The following PAK2 variants were observed in gnomAD, a reference collection of about 807,000 sequenced individuals.
PAK2 encodes the protein serine/threonine-protein kinase PAK 2.
PAK2 carries 21 observed loss-of-function variants against 65.9 expected under a neutral mutation model. The ratio of observed to expected loss-of-function variants is 0.32; its 90% CI spans 0.23 to 0.46. The LOEUF is 0.46. Ranked by LOEUF, PAK2 falls within the 20% of genes least tolerant of loss-of-function variation. The pLI, the probability that PAK2 is intolerant of heterozygous loss-of-function variation, is 1.00. For synonymous variants in PAK2, 204 were observed against 219.7 expected (o/e 0.93, Z 0.63); for missense variants, 324 against 642.6 (o/e 0.50, Z 5.36).
chr3:196,819,557 C>T (rs1485675156), intron 12 of PAK2, among the ~76,000 whole-genome samples: 1 of 152,064 alleles, frequency 6.6e-6, no homozygotes, highest in Non-Finnish European at 1.5e-5. Context: ...CAAACCAAAC[C>T]GTTCATAGAT....
intron 1 of PAK2, among the ~76,000 whole-genome samples, chr3:196,742,855 G>A (rs888177430): frequency 6.6e-6 from 1 of 152,226 alleles, no homozygotes; most frequent in Admixed American, 6.5e-5. Flanking sequence ...GGGAGGCGGA[G>A]CTTGCAGTGA....
At chr3:196,763,799 T>A (rs1714064632) in intron 1 of PAK2, among the ~76,000 whole-genome samples, 1 of 152,108 alleles carries the variant, frequency 6.6e-6, no homozygotes, top group Admixed American at 6.6e-5. Flanking sequence ...CCAGTGTTAA[T>A]TGCTTGATAA....
chr3:196,821,189 T>C (rs1036563158), intron 13 of PAK2, among the ~76,000 whole-genome samples: 1 of 152,006 alleles, frequency 6.6e-6, no homozygotes, highest in African/African-American at 2.4e-5. Context: ...TTATCAGTTA[T>C]TAAGGAAATG....
intron 1 of PAK2, among the ~76,000 whole-genome samples, chr3:196,768,215 T>C (rs181458692): frequency 1.3e-5 from 2 of 152,222 alleles, no homozygotes; most frequent in Admixed American, 6.5e-5. Context: ...TCCCTGCTCA[T>C]TGAATGCCAG....
chr3:196,811,203 CT>C (rs1560113488), intron 8 of PAK2, among the ~76,000 whole-genome samples: 1 of 53,620 alleles, frequency 1.9e-5, no homozygotes, highest in African/African-American at 7.3e-5. Context: ...TCCTTCCTCC[CT>C]TCCTTCCCTT....
chr3:196,789,988 C>T (rs918168787), intron 2 of PAK2, among the ~76,000 whole-genome samples: 1 of 152,188 alleles, frequency 6.6e-6, no homozygotes, highest in Non-Finnish European at 1.5e-5. Context: ...CACTGCTCAC[C>T]TCCTGCTGTG....
intron 8 of PAK2, among the ~76,000 whole-genome samples, chr3:196,811,104 C>A (rs1287041888): frequency 1.3e-5 from 2 of 151,798 alleles, no homozygotes; most frequent in Non-Finnish European, 1.5e-5. Context: ...CAAATAAACA[C>A]CTAAATTTTT....
At chr3:196,785,613 G>C (rs1306249113) in intron 2 of PAK2, among the ~76,000 whole-genome samples, 1 of 152,144 alleles carries the variant, frequency 6.6e-6, no homozygotes, top group Non-Finnish European at 1.5e-5. Context: ...ATCTGTTCAA[G>C]AGAAAGAAAT....
At chr3:196,826,362 C>T (rs1352302264) in intron 13 of PAK2, among the ~76,000 whole-genome samples, 3 of 151,734 alleles carry the variant, frequency 2.0e-5, no homozygotes, top group Non-Finnish European at 4.4e-5. Context: ...TTAGTAGAGA[C>T]AGGGTTTCAC....
At chr3:196,774,772 G>A (rs1392219868) in intron 1 of PAK2, among the ~76,000 whole-genome samples, 1 of 152,150 alleles carries the variant, frequency 6.6e-6, no homozygotes, top group East Asian at 1.9e-4. Context: ...GTTACCTTTA[G>A]TCAACTTCTG....
rs921107303 is a variant in PAK2, at chr3:196,767,061, A to G, written c.-21-15565A>G. Among the ~76,000 whole-genome samples, 7 of 151,280 alleles carry G rather than the reference A, an allele frequency of 4.6e-5. 1 individual carries two copies. In the Admixed American group the frequency reaches 4.7e-4, roughly 10 times the overall value. ...CTTCCAACTGGTTTTCACTTCATATATTATGGAGATTACTCCATGGCAGTA... is the reference window on the plus strand; with the variant it reads ...CTTCCAACTGGTTTTCACTTCATATGTTATGGAGATTACTCCATGGCAGTA... On this transcript the variant is annotated intron_variant, in intron 1 of 14. Transcript: ENST00000327134.
chr3:196,779,775 A>T lies in PAK2; in HGVS notation c.-21-2851A>T, dbSNP rs568222702. 4.6e-5 allele frequency among the ~76,000 whole-genome samples: 7 copies of T among 152,258 alleles called. No homozygotes were observed. In the East Asian group the frequency reaches 1.3e-3, roughly 29 times the overall value. On this transcript the variant is annotated intron_variant, in intron 1 of 14. Coordinates refer to ENST00000327134, the MANE Select transcript of PAK2 (RefSeq NM_002577.4). ...AACCTCTGCCTCCCGGGCTCAAGTG[A>T]TTCCTCTGCCTCAGCCTCCCGAGTA...
At chr3:196,821,656 C>G (rs938522241) in intron 13 of PAK2, among the ~76,000 whole-genome samples, 1 of 152,130 alleles carries the variant, frequency 6.6e-6, no homozygotes, top group African/African-American at 2.4e-5. Context: ...GCACTCCAGC[C>G]TGGTCGACAA....
rs566717667 is a variant in PAK2, at chr3:196,817,414, G to C, written c.1054-643G>C. ...CACCCAGGCTGGAGTGCAGTGGTGC[G>C]ATCTTGGCTCAGTGCAAGTTCCGCC... On this transcript the variant is annotated intron_variant, in intron 11 of 14. Transcript: ENST00000327134. Among the ~76,000 whole-genome samples the C allele has an allele frequency of 2.6e-5, 4 of 151,910 alleles. No homozygotes were observed. The South Asian group carries it at 8.3e-4, about 32-fold the overall frequency.
chr3:196,784,227 T>C (rs1357043980), intron 2 of PAK2, among the ~76,000 whole-genome samples: 5 of 123,704 alleles, frequency 4.0e-5, no homozygotes, highest in Admixed American at 1.8e-4. Flanking sequence ...TTTTTTCTTT[T>C]TTTTTTTTTT....
chr3:196,771,414 C>T (rs1327810182), intron 1 of PAK2, among the ~76,000 whole-genome samples: 3 of 152,064 alleles, frequency 2.0e-5, no homozygotes, highest in Non-Finnish European at 4.4e-5. Flanking sequence ...TAGACTTCTA[C>T]TTACAGATTT....
chr3:196,755,712 C>T (rs1713745342), intron 1 of PAK2, among the ~76,000 whole-genome samples: 1 of 152,156 alleles, frequency 6.6e-6, no homozygotes, highest in South Asian at 2.1e-4. Flanking sequence ...CCTGCCTCAG[C>T]CTCCCAAAGT....
At position 196,791,187 on chromosome 3, in the gene PAK2, T is replaced by C. The variant is rs1715058836; in HGVS notation, c.187+8354T>C. Among the ~76,000 whole-genome samples the C allele has an allele frequency of 6.6e-6, 1 of 152,232 alleles. No homozygotes were observed. The highest frequency in any genetic ancestry group is 2.4e-5 in the African/African-American group (1 of 41,474). ...ACATTCTGTTGGTATAGCAATATCTTTCCAGCACATTGTTCAATTCCAGAC... is the reference window on the plus strand; with the variant it reads ...ACATTCTGTTGGTATAGCAATATCTCTCCAGCACATTGTTCAATTCCAGAC... On this transcript the variant is annotated intron_variant, in intron 2 of 14. Coordinates refer to ENST00000327134, the MANE Select transcript of PAK2 (RefSeq NM_002577.4). The surrounding 1 kb of genome is among the most constrained non-coding windows in gnomAD (Gnocchi z 4.0).
At chr3:196,815,582 A>G (rs1057002490) in intron 11 of PAK2, among the ~76,000 whole-genome samples, 6 of 151,710 alleles carry the variant, frequency 4.0e-5, no homozygotes, top group East Asian at 1.9e-4. Flanking sequence ...AGGTCAAGAG[A>G]TTGAGACCAT....
Sources: gnomAD v4.1 joint callset for allele counts (sites outside exome capture counted in the v4.1 genomes callset) on GRCh38, gnomAD v4.1.1 for gene constraint, Gnocchi (gnomAD v3.1) non-coding constraint, MANE v1.5 for transcripts, NCBI Gene and HGNC (gene_info 2026-07-23, HGNC 2026-07-21) for gene names.